Variants in SLC4A1 observed in about 807,000 individuals in gnomAD.
SLC4A1 encodes the protein solute carrier family 4 member 1 (Diego blood group).
Under a neutral mutation model 93.1 loss-of-function variants are expected in SLC4A1, and 29 were observed. The observed-to-expected ratio is 0.31, with a 90% CI of 0.23 to 0.42. The LOEUF (loss-of-function observed/expected upper bound fraction) is 0.42, where lower values mean the gene tolerates loss of function less well. Ranked by LOEUF, SLC4A1 falls within the 20% of genes least tolerant of loss-of-function variation. The probability of loss-of-function intolerance (pLI) is 1.00; values close to 1 mark genes in which losing one functional copy is unlikely to be tolerated. For missense variants in SLC4A1, 965 were observed against 1,190.1 expected (o/e 0.81, Z 2.78); for synonymous variants, 469 against 497.2 (o/e 0.94, Z 0.76).
chr17:44,262,910 C>T lies in SLC4A1; in HGVS notation c.-44G>A, dbSNP rs760902990. 1 of 1,613,704 alleles carries T rather than the reference C, an allele frequency of 6.2e-7. No homozygotes were observed. The highest frequency in any genetic ancestry group is 8.5e-7 in the Non-Finnish European group (1 of 1,180,018). On this transcript the variant is annotated 5_prime_UTR_variant, in exon 2 of 20. Transcript: ENST00000262418. Reference sequence around the variant, plus strand: ...CAGTTGTCTACGGTGATCTGAGCCCCCAGCATAACCCGCACCGCGGGTCCC... The same window carrying T: ...CAGTTGTCTACGGTGATCTGAGCCCTCAGCATAACCCGCACCGCGGGTCCC...
chr17:44,265,163 T>C (rs1420067641), intron 1 of SLC4A1, among the ~76,000 whole-genome samples: 1 of 151,322 alleles, frequency 6.6e-6, no homozygotes, highest in Non-Finnish European at 1.5e-5. Flanking sequence ...GGCCCGTCTC[T>C]ACTCTGGGGA....
rs1567834170 is a variant in SLC4A1 at position 44,259,840 on chromosome 17, G to A, written c.578C>T (p.Ser193Phe). The change falls in exon 7 of 20, where the codon TCC (serine) becomes TTC (phenylalanine). Residue 193 changes from serine (S) to phenylalanine (F), a missense_variant. By Grantham distance (155) the Ser-to-Phe change is radical. Transcript: ENST00000262418. Reference protein sequence around the residue: ...DPSQPLLPQHSSLETQLFCEQ... With the variant: ...DPSQPLLPQHFSLETQLFCEQ... ...ACAGAAGAGCTGTGTCTCCAGTGAG[G>A]AGTGTTGGGGGAGCAGAGGCTGTGA... 1 of 1,613,958 alleles carries A rather than the reference G, an allele frequency of 6.2e-7. No homozygotes were observed. The highest frequency in any genetic ancestry group is 8.5e-7 in the Non-Finnish European group (1 of 1,180,028).
At chr17:44,261,270 A>G (rs1158503033) in intron 4 of SLC4A1, among the ~76,000 whole-genome samples, 1 of 152,160 alleles carries the variant, frequency 6.6e-6, no homozygotes, top group Non-Finnish European at 1.5e-5. Flanking sequence ...TGGGCAGAGG[A>G]GAACAAGTCT....
chr17:44,261,999 G>A (rs2047449833), intron 3 of SLC4A1: 1 of 1,201,730 alleles, frequency 8.3e-7, no homozygotes, highest in Non-Finnish European at 1.0e-6. Context: ...TGCCACCTCT[G>A]AGACCAGACT....
intron 4 of SLC4A1, 32 bp downstream of exon 4, chr17:44,261,543 T>G: frequency 2.5e-6 from 4 of 1,614,028 alleles, no homozygotes; most frequent in Non-Finnish European, 3.4e-6. Flanking sequence ...AAAGGCAGCA[T>G]GGGAAAGAAC....
intron 13 of SLC4A1, among the ~76,000 whole-genome samples, chr17:44,256,708 G>A (rs763068058): frequency 3.9e-5 from 6 of 152,170 alleles, no homozygotes; most frequent in South Asian, 2.1e-4. Context: ...CATTGCTCAC[G>A]TCATGTGTGG....
intron 13 of SLC4A1, among the ~76,000 whole-genome samples, 171 bp from the exon 14 acceptor site, chr17:44,256,017 C>T (rs2047386304): frequency 6.6e-6 from 1 of 152,256 alleles, no homozygotes; most frequent in Middle Eastern, 3.4e-3. Context: ...ATCCATTGAT[C>T]ATCCATTGAT....
At position 44,250,103 on chromosome 17, in the gene SLC4A1, C is replaced by T; in HGVS notation, c.*355G>A. ...TTGCCCAAGGTCACACAGCAAGCAC[C>T]CCACCCGCTCACCCACCTCCTGCCT... On this transcript the variant is annotated 3_prime_UTR_variant, in exon 20 of 20. Transcript: ENST00000262418. 1 of 332,474 alleles carries T rather than the reference C, an allele frequency of 3.0e-6. No homozygotes were observed. The highest frequency in any genetic ancestry group is 3.1e-5 in the South Asian group (1 of 31,828). The allele number at this position is 332,474 out of a possible 1,614,324, so 20.6% of individuals were successfully genotyped here.
At chr17:44,260,288 G>T (rs1334322574) in intron 6 of SLC4A1, 116 bp downstream of exon 6, 1 of 1,288,294 alleles carries the variant, frequency 7.8e-7, no homozygotes, top group Non-Finnish European at 1.1e-6. Context: ...GGAGGAAAGT[G>T]GGCCCCTGCC....
chr17:44,261,124 A>G (rs1369023693), intron 4 of SLC4A1, among the ~76,000 whole-genome samples: 3 of 152,226 alleles, frequency 2.0e-5, no homozygotes, highest in Non-Finnish European at 4.4e-5. Context: ...GTCAGTCTCC[A>G]GCCTCTAAGA....
intron 1 of SLC4A1, among the ~76,000 whole-genome samples, chr17:44,267,275 C>T (rs1039372505): frequency 5.3e-5 from 8 of 152,308 alleles, no homozygotes; most frequent in East Asian, 3.9e-4. Flanking sequence ...CATTTACTAA[C>T]GGCGTGTGAC....
Position 44,251,162 on chromosome 17 carries a change from C to A in SLC4A1, c.2652G>T (p.Gln884His), listed in dbSNP as rs761614805. Reference protein sequence around the residue: ...LPLIFRNVELQCLDADDAKAT... With the variant: ...LPLIFRNVELHCLDADDAKAT... The stretch of plus-strand genomic sequence containing the variant: ...CCAGGCCCAGGCAGCCACTCACACA[C>A]TGAAGCTCCACGTTCCTGAAGATGA... Residue 884 changes from glutamine (Q) to histidine (H), a missense_variant, in exon 19 of 20, where the codon CAG (glutamine) becomes CAT (histidine). By Grantham distance (24) the Gln-to-His change is conservative. Transcript: ENST00000262418. The A allele has an allele frequency of 3.8e-6, 6 of 1,599,124 alleles. No homozygotes were observed. In the African/African-American group the frequency reaches 6.7e-5, roughly 18 times the overall value.
In SLC4A1 at chr17:44,258,167, G is replaced by A. The variant is rs202014903; in HGVS notation, c.1101C>T (p.Gly367=). 8 of 1,614,010 alleles carry A rather than the reference G, an allele frequency of 5.0e-6. No homozygotes were observed. Among genetic ancestry groups the A allele is most frequent in the African/African-American group, 2.7e-5 (2 of 75,006 alleles). ...SFYKGLDLNG[G]PDDPLQQTGQ... is the part of the protein sequence containing the mutation. Reference sequence around the variant, plus strand: ...CTGTCTGCTGCAGAGGGTCATCTGGGCCCCCATTTAAGTCTGTGGTGGAGG... The same window carrying A: ...CTGTCTGCTGCAGAGGGTCATCTGGACCCCCATTTAAGTCTGTGGTGGAGG... The change falls in exon 11 of 20, where the codon GGC becomes GGT. Residue 367 remains glycine, a synonymous_variant. Transcript: ENST00000262418. The surrounding 1 kb of genome is among the most constrained non-coding windows in gnomAD (Gnocchi z 6.1).
intron 7 of SLC4A1, 26 bp from the exon 8 acceptor site, chr17:44,259,607 A>T: frequency 6.3e-7 from 1 of 1,589,196 alleles, no homozygotes; most frequent in Non-Finnish European, 8.6e-7. Flanking sequence ...TGGTGACGGG[A>T]GTCCTCGGGC....
intron 2 of SLC4A1, 50 bp from the exon 3 acceptor site, chr17:44,262,776 C>G: frequency 6.2e-7 from 1 of 1,608,894 alleles, no homozygotes; most frequent in Non-Finnish European, 8.5e-7. Flanking sequence ...CTTCCACCCC[C>G]AACGAAGATA....
intron 11 of SLC4A1, 22 bp from the exon 12 acceptor site, chr17:44,257,829 G>T (rs187463272): frequency 6.2e-7 from 1 of 1,613,054 alleles, no homozygotes; most frequent in Non-Finnish European, 8.5e-7. Flanking sequence ...GGTCACAGTG[G>T]GATCAAGGTC....
intron 4 of SLC4A1, 30 bp downstream of exon 4, chr17:44,261,545 G>A (rs1203531604): frequency 6.8e-6 from 11 of 1,613,944 alleles, no homozygotes; most frequent in African/African-American, 4.0e-5. Context: ...AGGCAGCATG[G>A]GAAAGAACGG....
At chr17:44,262,483 C>T (rs1185074414) in intron 3 of SLC4A1, among the ~76,000 whole-genome samples, 153 bp downstream of exon 3, 2 of 152,246 alleles carry the variant, frequency 1.3e-5, no homozygotes, top group African/African-American at 4.8e-5. Context: ...TCAAACAAAG[C>T]TCTGTTTATC....
Position 44,250,524 on chromosome 17 carries a change from A to G in SLC4A1, c.2670T>C (p.Asp890=), listed in dbSNP as rs560945108. 1.2e-6 allele frequency: 2 copies of G among 1,613,792 alleles called. No individual in the cohort carries two copies. The highest frequency in any genetic ancestry group is 1.7e-5 in the Admixed American group (1 of 60,026). Residue 890 remains aspartate (D), a synonymous_variant, in exon 20 of 20, where the codon GAT becomes GAC. Coordinates refer to ENST00000262418, the MANE Select transcript of SLC4A1 (RefSeq NM_000342.4). ...CCTCCTCATCAAAGGTTGCCTTGGCATCATCAGCATCCAGCTGGAGGGGAG... is the reference window on the plus strand; with the variant it reads ...CCTCCTCATCAAAGGTTGCCTTGGCGTCATCAGCATCCAGCTGGAGGGGAG... ...NVELQCLDAD[D]AKATFDEEEG... is the part of the protein sequence containing the mutation.
Sources: allele counts gnomAD v4.1 joint callset (sites outside exome capture counted in the v4.1 genomes callset), GRCh38; gene constraint gnomAD v4.1.1; non-coding constraint Gnocchi (gnomAD v3.1); transcripts MANE v1.5; gene names NCBI Gene and HGNC (gene_info 2026-07-23, HGNC 2026-07-21).